UBE3A: variants seen among roughly 807,000 people sequenced by gnomAD.
UBE3A encodes the protein ubiquitin protein ligase E3A.
In UBE3A, 6 loss-of-function variants were observed where a neutral mutation model predicts 83.4. The ratio of observed to expected loss-of-function variants is 0.07; its 90% CI spans 0.04 to 0.14. The LOEUF (loss-of-function observed/expected upper bound fraction) is 0.14. Among genes scored for constraint, UBE3A ranks in the 10% least tolerant of loss-of-function variants. The pLI is 1.00. For missense variants in UBE3A, 456 were observed against 1,036.1 expected, an observed-to-expected ratio of 0.44 and a Z score of 7.69; for synonymous variants, 337 against 355.4, an observed-to-expected ratio of 0.95 and a Z score of 0.58.
At chr15:25,375,404 C>T (rs1018315302) in intron 5 of UBE3A, 61 bp downstream of exon 5, 1 of 1,561,514 alleles carries the variant, frequency 6.4e-7, no homozygotes, top group South Asian at 1.2e-5. Flanking sequence ...AAAACTAATA[C>T]ATTTAAATCT....
At chr15:25,356,657 A>G in intron 8 of UBE3A, 34 bp downstream of exon 8, 2 of 1,595,768 alleles carry the variant, frequency 1.3e-6, no homozygotes, top group Non-Finnish European at 1.7e-6. Flanking sequence ...ATAAAATCTA[A>G]GAGACTGAAT....
Position 25,434,481 on chromosome 15 carries a change from G to A in UBE3A, c.-165+4008C>T, listed in dbSNP as rs1409774169. Among the ~76,000 whole-genome samples, 9 of 152,226 alleles carry A rather than the reference G, an allele frequency of 5.9e-5. No homozygotes were observed. The South Asian group carries it at 1.7e-3, about 28-fold the overall frequency. ...CATCTTCAAGTATTTCAAACATTTCGTGTTTGGATTATGGAATATGTCTCC... is the reference window on the plus strand; with the variant it reads ...CATCTTCAAGTATTTCAAACATTTCATGTTTGGATTATGGAATATGTCTCC... On this transcript the variant is annotated intron_variant, in intron 1 of 12. Transcript: ENST00000648336.
chr15:25,340,328 C>G, intron 11 of UBE3A, 100 bp from the exon 12 acceptor site: 1 of 1,391,282 alleles, frequency 7.2e-7, no homozygotes, highest in South Asian at 1.2e-5. Flanking sequence ...TAAGAGACAA[C>G]TTGGAAGTTA....
At chr15:25,368,888 G>C (rs141244885) in intron 6 of UBE3A, among the ~76,000 whole-genome samples, 3 of 152,078 alleles carry the variant, frequency 2.0e-5, no homozygotes, top group Admixed American at 2.0e-4. Context: ...AGATAAGGAA[G>C]GTAGACAATT....
intron 1 of UBE3A, among the ~76,000 whole-genome samples, chr15:25,429,522 C>T (rs1160782235): frequency 2.0e-5 from 3 of 151,974 alleles, no homozygotes; most frequent in African/African-American, 7.3e-5. Flanking sequence ...CCCTACTTCA[C>T]TAAAAACAAA....
chr15:25,403,016 A>T (rs2087556315), intron 4 of UBE3A, among the ~76,000 whole-genome samples: 1 of 152,130 alleles, frequency 6.6e-6, no homozygotes, highest in Non-Finnish European at 1.5e-5. Context: ...ACAGCATATA[A>T]ATTCAAATAC....
intron 3 of UBE3A, chr15:25,408,569 CACTAATCTGAAT>C: frequency 6.2e-7 from 1 of 1,611,140 alleles, no homozygotes; most frequent in Non-Finnish European, 8.5e-7. Context: ...ACAAAACACC[CACTAATCTGAAT>C]ACTGCAGCAT....
At chr15:25,369,697 G>A (rs563411345) in intron 6 of UBE3A, among the ~76,000 whole-genome samples, 2 of 152,248 alleles carry the variant, frequency 1.3e-5, no homozygotes, top group Non-Finnish European at 2.9e-5. Context: ...CTGCGATAAT[G>A]CACCTGAGAC....
Sources: gnomAD v4.1 joint callset for allele counts (sites outside exome capture counted in the v4.1 genomes callset) on GRCh38, gnomAD v4.1.1 for gene constraint, MANE v1.5 for transcripts, NCBI Gene and HGNC (gene_info 2026-07-23, HGNC 2026-07-21) for gene names.